The following EML6 variants were observed in gnomAD, a reference collection of about 807,000 sequenced individuals.
EML6 encodes the protein EMAP like 6, also known as echinoderm microtubule-associated protein-like 6.
EML6 carries 154 observed loss-of-function variants against 240.1 expected under a neutral mutation model. The ratio of observed to expected loss-of-function variants is 0.64; its 90% CI spans 0.56 to 0.73. The LOEUF (loss-of-function observed/expected upper bound fraction) is 0.73. EML6 is among the 30% of genes least tolerant of loss of function. EML6 has a pLI of 0.00. For missense variants in EML6, 2,964 were observed against 2,474.6 expected, an observed-to-expected ratio of 1.20 and a Z score of -4.20; for synonymous variants, 1,148 against 899.0, an observed-to-expected ratio of 1.28 and a Z score of -4.95.
intron 11 of EML6, among the ~76,000 whole-genome samples, chr2:54,859,131 C>T (rs1045557669): frequency 3.3e-5 from 5 of 152,214 alleles, no homozygotes; most frequent in Admixed American, 6.5e-5. Context: ...TCTATGTCTA[C>T]GTGACTCCAA....
At chr2:54,922,940 T>A in intron 26 of EML6, among the ~76,000 whole-genome samples, 1 of 145,452 alleles carries the variant, frequency 6.9e-6, no homozygotes. Flanking sequence ...AAACTTTTTT[T>A]TTTTTTTTTT....
intron 26 of EML6, among the ~76,000 whole-genome samples, chr2:54,923,364 A>AACGCAC (rs1553416830): frequency 3.8e-5 from 2 of 52,858 alleles, no homozygotes; most frequent in African/African-American, 1.4e-4. Context: ...GTCCTCACCA[A>AACGCAC]ACGCACACAC....
chr2:54,808,788 A>G (rs1670634019), intron 2 of EML6, among the ~76,000 whole-genome samples: 1 of 152,124 alleles, frequency 6.6e-6, no homozygotes, highest in Non-Finnish European at 1.5e-5. Context: ...TCTTTTTCAC[A>G]AGATGTTTGG....
In EML6 at chr2:54,784,514, T is replaced by G. The variant is rs564668529; in HGVS notation, c.198-28718T>G. The stretch of plus-strand genomic sequence containing the variant: ...ATATTGGGTGTTACACATCTGACCC[T>G]CAAATAAAATGGGACTTAGGGATGC... On this transcript the variant is annotated intron_variant, in intron 2 of 41. Transcript: ENST00000356458. 1.7e-4 allele frequency among the ~76,000 whole-genome samples: 26 copies of G among 152,264 alleles called. No homozygotes were observed. The South Asian group carries it at 5.2e-3, about 30-fold the overall frequency.
At position 54,964,710 on chromosome 2, in the gene EML6, T is replaced by C; in HGVS notation, c.5470T>C (p.Ser1824Pro). Residue 1824 changes from serine to proline, a missense_variant, in exon 38 of 42, where the codon TCT becomes CCT. By Grantham distance (74) the Ser-to-Pro change is moderately conservative (BLOSUM62 -1). Coordinates refer to ENST00000356458, the MANE Select transcript of EML6 (RefSeq NM_001039753.4). The part of the protein sequence containing the change: ...IPSFVIQMDF[S>P]ADGKYIQVST... Reference sequence around the variant, plus strand: ...AAGCTTTGTCATTCAGATGGATTTTTCTGCGGATGGCAAATACATTCAGGT... The same window carrying C: ...AAGCTTTGTCATTCAGATGGATTTTCCTGCGGATGGCAAATACATTCAGGT... 2 of 1,551,984 alleles carry C rather than the reference T, an allele frequency of 1.3e-6. No homozygotes were observed. Among genetic ancestry groups the C allele is most frequent in the Non-Finnish European group, 1.7e-6 (2 of 1,147,066 alleles).
intron 3 of EML6, among the ~76,000 whole-genome samples, chr2:54,815,239 G>T (rs759037129): frequency 2.0e-5 from 3 of 152,122 alleles, no homozygotes; most frequent in Non-Finnish European, 4.4e-5. Context: ...GGTGGGTGGG[G>T]GTGGATTGCA....
At chr2:54,848,316 A>G (rs1434868789) in intron 9 of EML6, among the ~76,000 whole-genome samples, 4 of 152,232 alleles carry the variant, frequency 2.6e-5, no homozygotes, top group Non-Finnish European at 5.9e-5. Flanking sequence ...GCTATAAAGT[A>G]AATATTTCCC....
At chr2:54,828,146 T>C (rs1169874944) in intron 6 of EML6, among the ~76,000 whole-genome samples, 3 of 152,190 alleles carry the variant, frequency 2.0e-5, no homozygotes, top group African/African-American at 7.2e-5. Flanking sequence ...GACCCATAGT[T>C]TGAACAGGAA....
intron 28 of EML6, among the ~76,000 whole-genome samples, chr2:54,929,445 CT>C (rs571470839): frequency 2.0e-5 from 3 of 152,260 alleles, no homozygotes; most frequent in African/African-American, 4.8e-5. Context: ...CATATTCATG[CT>C]AAGAGTGGAT....
At chr2:54,763,753 C>T (rs1668070084) in intron 2 of EML6, among the ~76,000 whole-genome samples, 1 of 152,124 alleles carries the variant, frequency 6.6e-6, no homozygotes, top group Non-Finnish European at 1.5e-5. Context: ...TTAATTTCAT[C>T]GGAAAACAGC....
intron 2 of EML6, among the ~76,000 whole-genome samples, chr2:54,809,598 A>G (rs2104021599): frequency 6.6e-6 from 1 of 152,282 alleles, no homozygotes; most frequent in South Asian, 2.1e-4. Context: ...AAAAGGATGG[A>G]CTTGGTTTCA....
chr2:54,940,358 A>AT (rs1000848793), intron 28 of EML6, among the ~76,000 whole-genome samples: 14 of 152,192 alleles, frequency 9.2e-5, no homozygotes, highest in African/African-American at 2.2e-4. Flanking sequence ...GGTTTCAGAG[A>AT]TTTTTTTTGT....
At chr2:54,908,021 A>G (rs961901299) in intron 24 of EML6, among the ~76,000 whole-genome samples, 7 of 151,894 alleles carry the variant, frequency 4.6e-5, no homozygotes, top group Admixed American at 4.6e-4. Context: ...AGGCAGAGAG[A>G]AAAAGGAGTG....
chr2:54,729,929 G>A (rs1179791665), intron 2 of EML6, among the ~76,000 whole-genome samples: 2 of 152,242 alleles, frequency 1.3e-5, no homozygotes, highest in Non-Finnish European at 2.9e-5. Context: ...TGAGCTTGGG[G>A]GTTCAGGACT....
In EML6 at chr2:54,886,316, C is replaced by T. The variant is rs144019629; in HGVS notation, c.2439-4738C>T. 1.3e-5 allele frequency among the ~76,000 whole-genome samples: 2 copies of T among 151,904 alleles called. 1 individual carries two copies. Among genetic ancestry groups the T allele is most frequent in the South Asian group, 4.2e-4 (2 of 4,800 alleles). On this transcript the variant is annotated intron_variant, in intron 17 of 41. Transcript: ENST00000356458. Reference sequence around the variant, plus strand: ...GAGTAGCTGGGATTACAGGTGCCTGCCACCACGCCTGGCTAATTTTTTGTA... The same window carrying T: ...GAGTAGCTGGGATTACAGGTGCCTGTCACCACGCCTGGCTAATTTTTTGTA...
intron 32 of EML6, among the ~76,000 whole-genome samples, chr2:54,955,002 T>A (rs1048913549): frequency 6.6e-6 from 1 of 152,166 alleles, no homozygotes; most frequent in Non-Finnish European, 1.5e-5. Flanking sequence ...TGTAAAGAGA[T>A]CAGCACACTG....
At chr2:54,893,595 G>A (rs181007536) in intron 19 of EML6, among the ~76,000 whole-genome samples, 4 of 152,286 alleles carry the variant, frequency 2.6e-5, no homozygotes, top group African/African-American at 9.6e-5. Flanking sequence ...AGCACCTTCA[G>A]TGTTTTAAAA....
chr2:54,829,571 A>C, intron 7 of EML6, 94 bp downstream of exon 7: 2 of 964,288 alleles, frequency 2.1e-6, no homozygotes, highest in Non-Finnish European at 3.0e-6. Flanking sequence ...CCATTTTAAA[A>C]AGGCAGTTTA....
At chr2:54,904,502 G>A (rs1257171225) in intron 24 of EML6, among the ~76,000 whole-genome samples, 1 of 152,176 alleles carries the variant, frequency 6.6e-6, no homozygotes, top group Non-Finnish European at 1.5e-5. Context: ...CTTTGAGGTT[G>A]ATCTTGAGAG....
Sources: gnomAD v4.1 joint callset for allele counts (sites outside exome capture counted in the v4.1 genomes callset) on GRCh38, gnomAD v4.1.1 for gene constraint, MANE v1.5 for transcripts, NCBI Gene and HGNC (gene_info 2026-07-23, HGNC 2026-07-21) for gene names.